GRM7: variants seen among roughly 807,000 people sequenced by gnomAD.
GRM7 encodes the protein metabotropic glutamate receptor 7.
GRM7 carries 35 observed loss-of-function variants against 84.5 expected under a neutral mutation model. That is an observed-to-expected ratio of 0.41 (90% CI 0.32 to 0.55). GRM7 has a LOEUF of 0.55. GRM7 is among the 20% of genes least tolerant of loss of function. GRM7 has a pLI of 0.19. For missense variants in GRM7, 1,003 were observed against 1,194.6 expected (o/e 0.84, Z 2.36); for synonymous variants, 487 against 455.1 (o/e 1.07, Z -0.89).
chr3:7,116,004 C>A (rs565549681), intron 1 of GRM7, among the ~76,000 whole-genome samples: 1 of 152,094 alleles, frequency 6.6e-6, no homozygotes, highest in Non-Finnish European at 1.5e-5. Flanking sequence ...TTCCAGAGGG[C>A]TCTTATGCAA....
intron 1 of GRM7, among the ~76,000 whole-genome samples, chr3:6,980,887 C>A (rs1694173594): frequency 6.6e-6 from 1 of 152,154 alleles, no homozygotes; most frequent in Non-Finnish European, 1.5e-5. Flanking sequence ...GTGAGATGAT[C>A]CCTCCTCATA....
chr3:7,670,182 T>C (rs750328070), intron 8 of GRM7, among the ~76,000 whole-genome samples: 1 of 151,934 alleles, frequency 6.6e-6, no homozygotes. Flanking sequence ...GTGGTGATCA[T>C]GGAAAGGCAG....
chr3:7,187,222 CACAA>C (rs536297762), intron 2 of GRM7, among the ~76,000 whole-genome samples: 1,920 of 151,048 alleles, frequency 0.013, 33 homozygotes, highest in African/African-American at 0.045. Flanking sequence ...CACACACACA[CACAA>C]AATCTTGTCC....
chr3:7,172,494 T>C (rs1695013780), intron 2 of GRM7, among the ~76,000 whole-genome samples: 1 of 152,026 alleles, frequency 6.6e-6, no homozygotes, highest in African/African-American at 2.4e-5. Context: ...CTCACATCTT[T>C]TAGAGCTCAC....
At position 7,103,846 on chromosome 3, in the gene GRM7, CTCTCTCTCTCTT is replaced by C. The variant is rs1699208247; in HGVS notation, c.520-42602_520-42591del. On this transcript the variant is annotated intron_variant, in intron 1 of 9. Coordinates refer to ENST00000357716, the MANE Select transcript of GRM7 (RefSeq NM_000844.4). Reference sequence around the variant, plus strand: ...TCTCTCTCTGTCTCTCTCTCCCTCTCTCTCTCTCTCTTTCTTTCTTTCTTTCCCATTTCTGAG... The same window carrying C: ...TCTCTCTCTGTCTCTCTCTCCCTCTCTCTTTCTTTCTTTCCCATTTCTGAG... Among the ~76,000 whole-genome samples the C allele has an allele frequency of 4.5e-5, 5 of 111,576 alleles. No individual in the cohort carries two copies. In the South Asian group the frequency reaches 1.4e-3, roughly 31 times the overall value. The allele number at this position is 111,576 out of a possible 152,430, so 73.2% of individuals were successfully genotyped here. A position where few individuals can be genotyped will look rare whatever the true frequency, so the allele number is the denominator to read the frequency against.
At chr3:7,335,350 A>G (rs1701375742) in intron 4 of GRM7, among the ~76,000 whole-genome samples, 1 of 152,102 alleles carries the variant, frequency 6.6e-6, no homozygotes, top group Non-Finnish European at 1.5e-5. Flanking sequence ...AAATTTAAAA[A>G]TTATTTGGAT....
intron 2 of GRM7, among the ~76,000 whole-genome samples, chr3:7,276,804 T>TCCCTCCC: frequency 3.5e-3 from 1 of 288 alleles, no homozygotes; most frequent in African/African-American, 6.2e-3. Context: ...CCTTCCTTCC[T>TCCCTCCC]TTTTGGTGGT....
At chr3:7,442,087 A>T (rs1697311582) in intron 5 of GRM7, among the ~76,000 whole-genome samples, 1 of 151,910 alleles carries the variant, frequency 6.6e-6, no homozygotes, top group African/African-American at 2.4e-5. Context: ...TGGCCATTTT[A>T]ACAATATTGA....
At chr3:7,345,752 T>G (rs989820386) in intron 4 of GRM7, among the ~76,000 whole-genome samples, 3 of 152,118 alleles carry the variant, frequency 2.0e-5, no homozygotes, top group African/African-American at 7.2e-5. Context: ...ATGCTCCCCA[T>G]TTTTCATTCC....
intron 8 of GRM7, among the ~76,000 whole-genome samples, chr3:7,678,532 A>G (rs1266587607): frequency 6.6e-6 from 1 of 152,186 alleles, no homozygotes. Context: ...GGCAAGGTGG[A>G]ATGACATTAA....
chr3:7,132,810 C>T (rs1693648417), intron 1 of GRM7, among the ~76,000 whole-genome samples: 1 of 152,156 alleles, frequency 6.6e-6, no homozygotes, highest in Admixed American at 6.5e-5. Flanking sequence ...AAGATTTCAC[C>T]ATGTTCCATA....
chr3:7,145,354 A>G (rs1054935478), intron 1 of GRM7, among the ~76,000 whole-genome samples: 3 of 152,164 alleles, frequency 2.0e-5, no homozygotes, highest in African/African-American at 7.2e-5. Flanking sequence ...GATAGAATCA[A>G]GACAAAGAAG....
chr3:6,968,136 G>A (rs1693601276), intron 1 of GRM7, among the ~76,000 whole-genome samples: 1 of 152,162 alleles, frequency 6.6e-6, no homozygotes, highest in South Asian at 2.1e-4. Flanking sequence ...TGCCAGCAGG[G>A]TCTTTCTCTT....
chr3:6,880,405 C>T (rs1002762026), intron 1 of GRM7, among the ~76,000 whole-genome samples: 4 of 152,150 alleles, frequency 2.6e-5, no homozygotes, highest in African/African-American at 7.2e-5. Context: ...AATTTAGTAA[C>T]TTGCAGTTGA....
At chr3:6,929,968 G>A (rs1029830603) in intron 1 of GRM7, among the ~76,000 whole-genome samples, 1 of 152,192 alleles carries the variant, frequency 6.6e-6, no homozygotes, top group African/African-American at 2.4e-5. Context: ...CAAACGTGGT[G>A]TCTGGAGTAA....
chr3:7,055,524 C>T (rs57760498), intron 1 of GRM7, among the ~76,000 whole-genome samples: 1 of 143,290 alleles, frequency 7.0e-6, no homozygotes, highest in African/African-American at 2.7e-5. Flanking sequence ...TATATATATA[C>T]ATACACACAC....
At chr3:7,067,457 A>G (rs967092275) in intron 1 of GRM7, among the ~76,000 whole-genome samples, 1 of 152,058 alleles carries the variant, frequency 6.6e-6, no homozygotes, top group Non-Finnish European at 1.5e-5. Flanking sequence ...ACTTAGGTGT[A>G]TACCTAACAA....
intron 5 of GRM7, among the ~76,000 whole-genome samples, chr3:7,444,311 C>A (rs1315576389): frequency 1.3e-5 from 2 of 152,072 alleles, no homozygotes; most frequent in South Asian, 2.1e-4. Flanking sequence ...AGAAAGAATA[C>A]TTTTTCAATG....
chr3:7,237,592 T>C (rs1559519075), intron 2 of GRM7, among the ~76,000 whole-genome samples: 1 of 152,180 alleles, frequency 6.6e-6, no homozygotes, highest in African/African-American at 2.4e-5. Context: ...GGTGGGTTCG[T>C]GGTCTCGCTG....
Sources: allele counts gnomAD v4.1 joint callset (sites outside exome capture counted in the v4.1 genomes callset), GRCh38; gene constraint gnomAD v4.1.1; transcripts MANE v1.5; gene names NCBI Gene and HGNC (gene_info 2026-07-23, HGNC 2026-07-21).